Variants in CEP83 observed in about 807,000 individuals in gnomAD.
CEP83 encodes the protein centrosomal protein 83, also known as centrosomal protein of 83 kDa.
A neutral mutation model predicts 101.9 loss-of-function variants in CEP83; 70 were observed. That is an observed-to-expected ratio of 0.69 (90% CI 0.57 to 0.84). The LOEUF is 0.84. CEP83 is among the 40% of genes least tolerant of loss of function. The pLI, the probability that CEP83 is intolerant of heterozygous loss-of-function variation, is 0.00. For synonymous variants in CEP83, 264 were observed against 267.9 expected, an observed-to-expected ratio of 0.99 and a Z score of 0.14; for missense variants, 715 against 787.2, an observed-to-expected ratio of 0.91 and a Z score of 1.10.
In CEP83 at chr12:94,375,956, C is replaced by T; in HGVS notation, c.863G>A (p.Ser288Asn). The T allele has an allele frequency of 6.4e-7, 1 of 1,563,948 alleles. No homozygotes were observed. The highest frequency in any genetic ancestry group is 8.7e-7 in the Non-Finnish European group (1 of 1,146,652). Residue 288 changes from serine (S) to asparagine (N), a missense_variant, in exon 8 of 17, where the codon AGT (serine) becomes AAT (asparagine). Ser to Asn is a conservative substitution (Grantham distance 46, BLOSUM62 1). Coordinates refer to ENST00000397809, the MANE Select transcript of CEP83 (RefSeq NM_016122.3). ...ERLEKELQSS[S>N]EQNTFLINKL... The stretch of plus-strand genomic sequence containing the variant: ...ATTAATTAAAAAGGTATTTTGTTCA[C>T]TGCTTGATTGTAGCTCTTTTTCCAA...
chr12:94,395,254 C>T (rs963847421), intron 6 of CEP83, among the ~76,000 whole-genome samples: 1 of 151,806 alleles, frequency 6.6e-6, no homozygotes, highest in Admixed American at 6.6e-5. Flanking sequence ...TTGATGGGTG[C>T]AGCAACCCGA....
chr12:94,370,014 T>C lies in CEP83; in HGVS notation c.956A>G (p.Asn319Ser), dbSNP rs752967372. The change falls in exon 9 of 17, where the codon AAC (asparagine) becomes AGC (serine). Residue 319 changes from asparagine to serine, a missense_variant. Asn to Ser is a conservative substitution (Grantham distance 46). Transcript: ENST00000397809. ...TTTGATGTCTGTTATTTCCAGTTTG[T>C]TTGAATGTTTAAGTTCTTTTACCTG... ...SSKVKELKHS[N>S]KLEITDIKLE... 6.2e-7 allele frequency: 1 copy of C among 1,605,212 alleles called. No individual in the cohort carries two copies. Among genetic ancestry groups the C allele is most frequent in the Non-Finnish European group, 8.5e-7 (1 of 1,172,600 alleles).
At chr12:94,277,544 CAG>C in the CEP83 span, among the ~76,000 whole-genome samples, 1 of 152,166 alleles carries the variant, frequency 6.6e-6, no homozygotes, top group East Asian at 1.9e-4. Context: ...GCGACATACA[CAG>C]AGGTTACACA....
the CEP83 span, among the ~76,000 whole-genome samples, chr12:94,288,784 G>A: frequency 6.6e-6 from 1 of 152,204 alleles, no homozygotes; most frequent in African/African-American, 2.4e-5. Flanking sequence ...GAGCAATATT[G>A]GCACGTGGCT....
intron 8 of CEP83, among the ~76,000 whole-genome samples, chr12:94,375,615 T>G (rs1386912793): frequency 6.6e-6 from 1 of 152,154 alleles, no homozygotes; most frequent in Non-Finnish European, 1.5e-5. Context: ...AGATTCTGCA[T>G]GTATTTGGAA....
chr12:94,303,751 C>A, downstream of CEP83: 4 of 1,311,548 alleles, frequency 3.0e-6, no homozygotes, highest in South Asian at 2.0e-5. Context: ...TTTTTTTTTC[C>A]CCAGGAAGCA....
At chr12:94,404,295 C>T (rs2063417439) in intron 4 of CEP83, among the ~76,000 whole-genome samples, 1 of 152,074 alleles carries the variant, frequency 6.6e-6, no homozygotes, top group African/African-American at 2.4e-5. Flanking sequence ...AGAGAAAACA[C>T]ATTTAGGATA....
At chr12:94,435,663 T>A (rs1201751417) in intron 1 of CEP83, among the ~76,000 whole-genome samples, 2 of 152,164 alleles carry the variant, frequency 1.3e-5, no homozygotes, top group African/African-American at 4.8e-5. Context: ...AAATTGCCAC[T>A]TCCTGACTGG....
the CEP83 span, chr12:94,294,586 T>TA: frequency 1.2e-6 from 1 of 845,644 alleles, no homozygotes; most frequent in Non-Finnish European, 2.0e-6. Flanking sequence ...CCCAGCTTCA[T>TA]AAAGTATTGC....
the CEP83 span, chr12:94,278,113 T>C: frequency 2.2e-6 from 1 of 450,184 alleles, no homozygotes; most frequent in Non-Finnish European, 4.5e-6. Context: ...TCTCCCTTCC[T>C]TCTTGCCTGT....
the CEP83 span, among the ~76,000 whole-genome samples, chr12:94,289,396 A>T: frequency 6.6e-6 from 1 of 152,164 alleles, no homozygotes; most frequent in Non-Finnish European, 1.5e-5. Flanking sequence ...ACCCTGTGAG[A>T]CTGGAAGGAA....
At chr12:94,412,693 C>CTTTTTTTTTTTTTT (rs11330562) in intron 2 of CEP83, 102 bp from the exon 3 acceptor site, 1 of 206,232 alleles carries the variant, frequency 4.8e-6, no homozygotes, top group African/African-American at 3.2e-5. Context: ...TTTTTTTTTT[C>CTTTTTTTTTTTTTT]TTTTTTTTTT....
intron 14 of CEP83, among the ~76,000 whole-genome samples, chr12:94,331,289 G>GAAAAAAAAAAAAAA (rs568464808): frequency 3.7e-4 from 16 of 43,816 alleles, no homozygotes; most frequent in Non-Finnish European, 4.5e-4. Flanking sequence ...CAGACTCTCA[G>GAAAAAAAAAAAAAA]AAAAAAAAAA....
At chr12:94,362,911 GTTAA>G (rs148470406) in intron 11 of CEP83, among the ~76,000 whole-genome samples, 3,852 of 152,296 alleles carry the variant, frequency 0.025, 180 homozygotes, top group African/African-American at 0.089. Context: ...GAGGACAATT[GTTAA>G]TTAAATAAGT....
intron 2 of CEP83, among the ~76,000 whole-genome samples, chr12:94,426,524 G>A (rs1304977719): frequency 2.0e-5 from 3 of 152,154 alleles, no homozygotes; most frequent in African/African-American, 4.8e-5. Flanking sequence ...CAAATAATGT[G>A]CTCACCATTC....
rs543416071 is a variant in CEP83 at position 94,380,750 on chromosome 12, A to G, written c.550-1708T>C. On this transcript the variant is annotated intron_variant, in intron 6 of 16. Transcript: ENST00000397809. ...GATCAAATACTGAGCTAAGTGCTCT[A>G]CATGTAAAATCAACATTAACAATAA... 2.2e-4 allele frequency among the ~76,000 whole-genome samples: 33 copies of G among 152,302 alleles called. 1 individual carries two copies. The South Asian group carries it at 6.4e-3, about 30-fold the overall frequency.
the CEP83 span, among the ~76,000 whole-genome samples, chr12:94,281,633 C>G: frequency 6.6e-6 from 1 of 152,074 alleles, no homozygotes; most frequent in Admixed American, 6.5e-5. Flanking sequence ...GTTGCCCAGG[C>G]TGGTCTTGAA....
At chr12:94,303,737 T>G, downstream of CEP83, 4 of 1,348,420 alleles carry the variant, frequency 3.0e-6, no homozygotes, top group Non-Finnish European at 3.9e-6. Flanking sequence ...GGTTGCTTTT[T>G]TTTTTTTTTT....
At chr12:94,403,880 TAAA>T (rs11341038) in intron 4 of CEP83, among the ~76,000 whole-genome samples, 28 of 139,802 alleles carry the variant, frequency 2.0e-4, no homozygotes, top group Admixed American at 2.1e-4. Flanking sequence ...ATACTAGTTG[TAAA>T]AAAAAAAAAA....
Sources: allele counts gnomAD v4.1 joint callset (sites outside exome capture counted in the v4.1 genomes callset), GRCh38; gene constraint gnomAD v4.1.1; transcripts MANE v1.5; gene names NCBI Gene and HGNC (gene_info 2026-07-23, HGNC 2026-07-21).